Variants in PKHD1 observed in about 807,000 individuals in gnomAD.
PKHD1 encodes PKHD1 ciliary IPT domain containing fibrocystin/polyductin.
Under a neutral mutation model 412.0 loss-of-function variants are expected in PKHD1, and 291 were observed. The observed-to-expected ratio is 0.71, with a 90% CI of 0.64 to 0.78. The LOEUF (loss-of-function observed/expected upper bound fraction) is 0.78, where lower values mean the gene tolerates loss of function less well. PKHD1 is among the 30% of genes least tolerant of loss of function. PKHD1 has a pLI of 0.00. For synonymous variants in PKHD1, 1,777 were observed against 1,821.5 expected (o/e 0.98, Z 0.62); for missense variants, 4,825 against 4,950.7 (o/e 0.97, Z 0.76).
chr6:51,731,260 T>C (rs1562185216), intron 60 of PKHD1, among the ~76,000 whole-genome samples: 2 of 151,926 alleles, frequency 1.3e-5, no homozygotes, highest in Admixed American at 6.6e-5. Context: ...TAAAAAGAAA[T>C]AGAAAATACA....
Position 51,764,668 on chromosome 6 carries a change from T to C in PKHD1, c.8642+8034A>G, listed in dbSNP as rs182270538. On this transcript the variant is annotated intron_variant, in intron 55 of 66. Transcript: ENST00000371117. Reference sequence around the variant, plus strand: ...AGCAAAGACTTGGAACCAACCCAAATGTCCAACAATGATAGACTGGATTAA... The same window carrying C: ...AGCAAAGACTTGGAACCAACCCAAACGTCCAACAATGATAGACTGGATTAA... 1.6e-3 allele frequency among the ~76,000 whole-genome samples: 236 copies of C among 152,180 alleles called. 2 individuals are homozygous for C. Among genetic ancestry groups the C allele is most frequent in the African/African-American group, 5.4e-3 (223 of 41,540 alleles).
rs1455649724 is a variant in PKHD1 at position 51,943,668 on chromosome 6, C to T, written c.5909-9346G>A. 1.3e-5 allele frequency among the ~76,000 whole-genome samples: 2 copies of T among 151,610 alleles called. 1 individual carries two copies. Among genetic ancestry groups the T allele is most frequent in the African/African-American group, 4.8e-5 (2 of 41,368 alleles). On this transcript the variant is annotated intron_variant, in intron 36 of 66. Transcript: ENST00000371117. ...TCCTGGATCCTCCCAATTCTTAATCCTTTAATACCTGCTTTTCTCCTTGTC... is the reference window on the plus strand; with the variant it reads ...TCCTGGATCCTCCCAATTCTTAATCTTTTAATACCTGCTTTTCTCCTTGTC...
intron 53 of PKHD1, among the ~76,000 whole-genome samples, chr6:51,786,064 C>T (rs1371356034): frequency 5.3e-5 from 8 of 152,200 alleles, no homozygotes; most frequent in South Asian, 2.1e-4. Flanking sequence ...CTATGAAATA[C>T]GTACTATTAT....
chr6:51,836,309 C>A, intron 51 of PKHD1, 95 bp downstream of exon 51: 1 of 843,094 alleles, frequency 1.2e-6, no homozygotes, highest in South Asian at 1.4e-5. Flanking sequence ...CTGATACCTG[C>A]CTGTTTATTA....
chr6:51,834,871 G>C (rs1768914099), intron 51 of PKHD1, among the ~76,000 whole-genome samples: 1 of 152,104 alleles, frequency 6.6e-6, no homozygotes, highest in African/African-American at 2.4e-5. Flanking sequence ...CACATTAGAG[G>C]CTACATTGTA....
At chr6:51,656,928 T>C (rs1336021096) in intron 61 of PKHD1, among the ~76,000 whole-genome samples, 1 of 151,998 alleles carries the variant, frequency 6.6e-6, no homozygotes, top group African/African-American at 2.4e-5. Context: ...AGTGCTGAGA[T>C]TACAGGTGTG....
At chr6:51,822,711 T>G (rs1332826530) in intron 52 of PKHD1, among the ~76,000 whole-genome samples, 1 of 152,190 alleles carries the variant, frequency 6.6e-6, no homozygotes, top group East Asian at 1.9e-4. Flanking sequence ...AGTATATGAC[T>G]ATAATGGAAT....
chr6:51,911,782 A>G lies in PKHD1; in HGVS notation c.6490+17T>C, dbSNP rs771966541. The G allele has an allele frequency of 6.2e-7, 1 of 1,608,738 alleles. No individual in the cohort carries two copies. On this transcript the variant is annotated intron_variant, in intron 39 of 66. Coordinates refer to ENST00000371117, the MANE Select transcript of PKHD1 (RefSeq NM_138694.4). Reference sequence around the variant, plus strand: ...TCTTTTTTGCTCATTAGACTTTCCAACAAAACACTCTTCTACCTTCTGGAG... The same window carrying G: ...TCTTTTTTGCTCATTAGACTTTCCAGCAAAACACTCTTCTACCTTCTGGAG...
At chr6:51,653,855 C>T (rs1345235874) in intron 61 of PKHD1, among the ~76,000 whole-genome samples, 1 of 152,020 alleles carries the variant, frequency 6.6e-6, no homozygotes, top group Non-Finnish European at 1.5e-5. Flanking sequence ...ATTGGTAAAT[C>T]ATTTAAAACA....
At chr6:51,776,972 T>C (rs1449408668) in intron 53 of PKHD1, among the ~76,000 whole-genome samples, 1 of 152,050 alleles carries the variant, frequency 6.6e-6, no homozygotes, top group African/African-American at 2.4e-5. Context: ...ATGGAACATA[T>C]GTCTTAGAGT....
chr6:52,068,671 C>T (rs949957893), intron 11 of PKHD1, among the ~76,000 whole-genome samples: 2 of 152,136 alleles, frequency 1.3e-5, no homozygotes, highest in African/African-American at 4.8e-5. Context: ...GTCTGACATT[C>T]TTTCTATAGC....
chr6:51,715,164 G>C (rs1339395104), intron 60 of PKHD1, among the ~76,000 whole-genome samples: 1 of 152,014 alleles, frequency 6.6e-6, no homozygotes, highest in Non-Finnish European at 1.5e-5. Context: ...TTTAGGAATT[G>C]TCTCTCTTTT....
At chr6:51,965,552 C>G (rs988796008) in intron 35 of PKHD1, among the ~76,000 whole-genome samples, 1 of 151,786 alleles carries the variant, frequency 6.6e-6, no homozygotes. Context: ...CTCATGCAGG[C>G]TCTAAGTGAT....
At chr6:51,699,409 A>G (rs1466082776) in intron 60 of PKHD1, among the ~76,000 whole-genome samples, 1 of 152,164 alleles carries the variant, frequency 6.6e-6, no homozygotes, top group Non-Finnish European at 1.5e-5. Flanking sequence ...GCATGTATCA[A>G]TAGTTTGTCC....
chr6:51,793,446 G>C (rs1417578223), intron 52 of PKHD1, among the ~76,000 whole-genome samples: 2 of 152,114 alleles, frequency 1.3e-5, no homozygotes, highest in African/African-American at 4.8e-5. Context: ...CTGCTGCACA[G>C]ATCATCCCAT....
chr6:51,964,925 G>A (rs151203332), intron 35 of PKHD1, among the ~76,000 whole-genome samples: 2,678 of 152,124 alleles, frequency 0.018, 72 homozygotes, highest in African/African-American at 0.06. Context: ...TACAATTTAT[G>A]TTGATGGAAA....
chr6:51,897,113 C>A (rs1171336012), intron 43 of PKHD1, among the ~76,000 whole-genome samples: 1 of 152,018 alleles, frequency 6.6e-6, no homozygotes, highest in African/African-American at 2.4e-5. Context: ...AGGAGAACTT[C>A]CCCAATCTAG....
intron 65 of PKHD1, among the ~76,000 whole-genome samples, chr6:51,631,744 A>G (rs1316490250): frequency 6.6e-6 from 1 of 152,018 alleles, no homozygotes; most frequent in Non-Finnish European, 1.5e-5. Flanking sequence ...CTTCATTTAC[A>G]AAGCTTCTTT....
At chr6:51,775,964 T>C (rs748115335) in intron 53 of PKHD1, 43 bp from the exon 54 acceptor site, 6 of 929,502 alleles carry the variant, frequency 6.5e-6, no homozygotes, top group African/African-American at 1.6e-5. Flanking sequence ...AATTTGAAAT[T>C]AAAAGAAAGA....
Sources: allele counts gnomAD v4.1 joint callset (sites outside exome capture counted in the v4.1 genomes callset), GRCh38; gene constraint gnomAD v4.1.1; transcripts MANE v1.5; gene names NCBI Gene and HGNC (gene_info 2026-07-23, HGNC 2026-07-21).